EPB41L4A: variants seen among roughly 807,000 people sequenced by gnomAD.
EPB41L4A encodes band 4.1-like protein 4A.
Under a neutral mutation model 108.6 loss-of-function variants are expected in EPB41L4A, and 100 were observed. The observed-to-expected ratio is 0.92, with a 90% confidence interval of 0.78 to 1.09. The LOEUF is 1.09. Among genes scored for constraint, EPB41L4A ranks in the 50% least tolerant of loss-of-function variants. EPB41L4A has a pLI of 0.00. For missense variants in EPB41L4A, 1,030 were observed against 842.7 expected (o/e 1.22, Z -2.75); for synonymous variants, 319 against 289.0 (o/e 1.10, Z -1.05).
At chr5:112,308,903 G>C (rs1310407378) in intron 1 of EPB41L4A, among the ~76,000 whole-genome samples, 2 of 152,018 alleles carry the variant, frequency 1.3e-5, no homozygotes, top group Non-Finnish European at 2.9e-5. Flanking sequence ...AAAAAAGAGG[G>C]GAATAAAGGA....
intron 13 of EPB41L4A, among the ~76,000 whole-genome samples, chr5:112,209,164 A>C (rs187469323): frequency 6.6e-6 from 1 of 152,260 alleles, no homozygotes; most frequent in Non-Finnish European, 1.5e-5. Context: ...TGCAGGTCAC[A>C]TATCTCTGAT....
intron 11 of EPB41L4A, among the ~76,000 whole-genome samples, chr5:112,238,431 CTAAA>C (rs1314921465): frequency 1.3e-5 from 2 of 152,140 alleles, no homozygotes; most frequent in African/African-American, 4.8e-5. Flanking sequence ...AAATTTTCAA[CTAAA>C]TAATATATAA....
chr5:112,363,038 A>C (rs1046971323), intron 1 of EPB41L4A, among the ~76,000 whole-genome samples: 2 of 152,124 alleles, frequency 1.3e-5, no homozygotes, highest in East Asian at 3.9e-4. Context: ...CTGACTTCTT[A>C]CAATGCAATT....
chr5:112,206,063 C>A (rs926672497), intron 13 of EPB41L4A: 1 of 153,102 alleles, frequency 6.5e-6, no homozygotes, highest in Non-Finnish European at 1.5e-5. Context: ...TATCATCTTT[C>A]AGTCCTAAGA....
intron 2 of EPB41L4A, among the ~76,000 whole-genome samples, chr5:112,280,794 T>C (rs1752919758): frequency 6.6e-6 from 1 of 152,070 alleles, no homozygotes; most frequent in East Asian, 1.9e-4. Flanking sequence ...GGTGGGAAAA[T>C]AATGGCCTCA....
At chr5:112,310,562 C>T (rs1754983204) in intron 1 of EPB41L4A, among the ~76,000 whole-genome samples, 1 of 152,096 alleles carries the variant, frequency 6.6e-6, no homozygotes, top group African/African-American at 2.4e-5. Context: ...TTCAATTCTG[C>T]TTTTTTTGGT....
intron 1 of EPB41L4A, among the ~76,000 whole-genome samples, chr5:112,376,980 G>A (rs1215267600): frequency 6.6e-6 from 1 of 152,064 alleles, no homozygotes; most frequent in Non-Finnish European, 1.5e-5. Flanking sequence ...GAAGCAGGAG[G>A]ATCACTTGAA....
chr5:112,249,221 G>A (rs1228550968), intron 9 of EPB41L4A: 1 of 152,168 alleles, frequency 6.6e-6, no homozygotes, highest in Admixed American at 6.5e-5. Context: ...CTAAAGTACT[G>A]TGAGATTTTT....
chr5:112,191,502 A>G (rs978990827), intron 17 of EPB41L4A, among the ~76,000 whole-genome samples: 1 of 152,154 alleles, frequency 6.6e-6, no homozygotes, highest in African/African-American at 2.4e-5. Flanking sequence ...TTGATTCATA[A>G]ATGTTGTTTT....
chr5:112,243,288 TATA>T lies in EPB41L4A; in HGVS notation c.796-2481_796-2479del, dbSNP rs1561504623. On this transcript the variant is annotated intron_variant, in intron 9 of 22. Coordinates refer to ENST00000261486, the MANE Select transcript of EPB41L4A (RefSeq NM_022140.5). Reference sequence around the variant, plus strand: ...ATATATGTGTGTGTATATATATATATATATTTTGTTTGTTTGTTTGTTTCCTAA... The same window carrying T: ...ATATATGTGTGTGTATATATATATATTTTTGTTTGTTTGTTTGTTTCCTAA... Among the ~76,000 whole-genome samples the T allele has an allele frequency of 5.3e-4, 79 of 150,138 alleles. 1 individual carries two copies. The highest frequency in any genetic ancestry group is 1.4e-3 in the African/African-American group (58 of 40,674).
chr5:112,294,641 G>A (rs1753876739), intron 2 of EPB41L4A, among the ~76,000 whole-genome samples: 1 of 151,984 alleles, frequency 6.6e-6, no homozygotes, highest in Non-Finnish European at 1.5e-5. Context: ...TGATGGAAGG[G>A]AAGAGAACAA....
chr5:112,246,206 T>C (rs896894659), intron 9 of EPB41L4A, among the ~76,000 whole-genome samples: 1 of 152,160 alleles, frequency 6.6e-6, no homozygotes, highest in Non-Finnish European at 1.5e-5. Context: ...TTTTTTTAAA[T>C]ATCCAGTCAT....
intron 1 of EPB41L4A, among the ~76,000 whole-genome samples, chr5:112,329,374 T>C (rs1756402434): frequency 6.6e-6 from 1 of 152,244 alleles, no homozygotes; most frequent in African/African-American, 2.4e-5. Flanking sequence ...ACACAACTGC[T>C]GATAGCTGGC....
At chr5:112,183,043 G>C (rs1270287728) in intron 18 of EPB41L4A, among the ~76,000 whole-genome samples, 2 of 152,114 alleles carry the variant, frequency 1.3e-5, no homozygotes, top group Non-Finnish European at 2.9e-5. Flanking sequence ...CTAATTGAAA[G>C]GTAAACATCT....
At chr5:112,379,862 T>C (rs897517475) in intron 1 of EPB41L4A, among the ~76,000 whole-genome samples, 1 of 152,214 alleles carries the variant, frequency 6.6e-6, no homozygotes, top group Non-Finnish European at 1.5e-5. Flanking sequence ...TGATTAGTTA[T>C]ATGTAATCCT....
chr5:112,264,818 T>A (rs1255085886), intron 6 of EPB41L4A, 78 bp downstream of exon 6: 1 of 1,417,810 alleles, frequency 7.1e-7, no homozygotes, highest in Non-Finnish European at 9.6e-7. Context: ...AATTTATCAT[T>A]CTAGAAACTT....
At chr5:112,336,074 C>G (rs1279299087) in intron 1 of EPB41L4A, among the ~76,000 whole-genome samples, 2 of 152,082 alleles carry the variant, frequency 1.3e-5, no homozygotes, top group Admixed American at 1.3e-4. Flanking sequence ...TGAGAACTAA[C>G]AAATGAGGAG....
downstream of EPB41L4A, chr5:112,160,460 G>C (rs530359443): frequency 1.3e-5 from 2 of 152,452 alleles, no homozygotes; most frequent in East Asian, 3.9e-4. Context: ...CTGGAGCATA[G>C]TAAGTGCTGA....
intron 1 of EPB41L4A, among the ~76,000 whole-genome samples, chr5:112,383,953 G>A (rs1760331874): frequency 6.6e-6 from 1 of 152,158 alleles, no homozygotes; most frequent in Non-Finnish European, 1.5e-5. Context: ...ATGAAGTACT[G>A]ATACCTATTA....
Sources: gnomAD v4.1 joint callset for allele counts (sites outside exome capture counted in the v4.1 genomes callset) on GRCh38, gnomAD v4.1.1 for gene constraint, MANE v1.5 for transcripts, NCBI Gene and HGNC (gene_info 2026-07-23, HGNC 2026-07-21) for gene names.